The following CCDC178 variants were observed in gnomAD, a reference collection of about 807,000 sequenced individuals.
The protein encoded by CCDC178 is coiled-coil domain containing 178.
In CCDC178, 126 loss-of-function variants were observed where a neutral mutation model predicts 117.4. The observed-to-expected ratio is 1.07, with a 90% CI of 0.93 to 1.24. The LOEUF (loss-of-function observed/expected upper bound fraction) is 1.24. Ranked by LOEUF, CCDC178 falls within the 50% of genes most tolerant of loss-of-function variation. CCDC178 has a pLI of 0.00. For synonymous variants in CCDC178, 283 were observed against 313.4 expected, an observed-to-expected ratio of 0.90 and a Z score of 1.02; for missense variants, 1,030 against 986.9, an observed-to-expected ratio of 1.04 and a Z score of -0.59.
intron 21 of CCDC178, among the ~76,000 whole-genome samples, chr18:33,044,639 T>C (rs567327437): frequency 4.6e-5 from 7 of 152,126 alleles, no homozygotes; most frequent in African/African-American, 1.2e-4. Context: ...GAACTAAAAA[T>C]AGAGCTACCA....
chr18:33,082,876 T>C (rs935601558), intron 21 of CCDC178, among the ~76,000 whole-genome samples: 8 of 152,058 alleles, frequency 5.3e-5, no homozygotes, highest in African/African-American at 1.9e-4. Flanking sequence ...ATAATCTTTC[T>C]TAATACAAGG....
intron 9 of CCDC178, among the ~76,000 whole-genome samples, chr18:33,342,061 G>C (rs1429061026): frequency 6.6e-6 from 1 of 152,182 alleles, no homozygotes; most frequent in African/African-American, 2.4e-5. Flanking sequence ...TCTAGAACCA[G>C]TGAAACTTCT....
At chr18:33,322,139 T>C (rs144609095) in intron 11 of CCDC178, among the ~76,000 whole-genome samples, 1 of 151,842 alleles carries the variant, frequency 6.6e-6, no homozygotes, top group Non-Finnish European at 1.5e-5. Flanking sequence ...CAAAAACTGA[T>C]AAAAATAATT....
chr18:33,046,017 A>C (rs9958634), intron 21 of CCDC178, among the ~76,000 whole-genome samples: 1 of 152,144 alleles, frequency 6.6e-6, no homozygotes, highest in Non-Finnish European at 1.5e-5. Flanking sequence ...GGAGTGAGCC[A>C]AGATCGTGCC....
intron 15 of CCDC178, among the ~76,000 whole-genome samples, chr18:33,238,581 G>A (rs1438177601): frequency 6.6e-6 from 1 of 152,084 alleles, no homozygotes; most frequent in Non-Finnish European, 1.5e-5. Context: ...CTGAAGACAA[G>A]TCTTTTGAAA....
intron 20 of CCDC178, among the ~76,000 whole-genome samples, chr18:33,175,042 ATTT>A (rs561300705): frequency 7.9e-6 from 1 of 126,934 alleles, no homozygotes; most frequent in African/African-American, 3.3e-5. Flanking sequence ...TTATTTTTTT[ATTT>A]TTTTTGGTAT....
At chr18:33,263,352 G>A (rs546709424) in intron 14 of CCDC178, among the ~76,000 whole-genome samples, 103 of 152,084 alleles carry the variant, frequency 6.8e-4, no homozygotes, top group Admixed American at 1.1e-3. Context: ...ATAATCCACT[G>A]CCATAATATT....
intron 21 of CCDC178, among the ~76,000 whole-genome samples, chr18:33,077,920 A>G (rs1352615770): frequency 6.6e-6 from 1 of 152,174 alleles, no homozygotes; most frequent in Non-Finnish European, 1.5e-5. Context: ...CTCCTCCCCA[A>G]CTCATTCTAT....
intron 2 of CCDC178, among the ~76,000 whole-genome samples, chr18:33,420,342 T>A (rs2064006911): frequency 1.3e-5 from 2 of 152,168 alleles, no homozygotes; most frequent in South Asian, 4.1e-4. Context: ...TAAAAATAAT[T>A]GTGGATTTGC....
intron 21 of CCDC178, among the ~76,000 whole-genome samples, chr18:33,087,684 T>G (rs1354984044): frequency 2.6e-5 from 4 of 151,696 alleles, no homozygotes; most frequent in Non-Finnish European, 5.9e-5. Context: ...ACAGGGAAAA[T>G]TATTATTTTA....
chr18:33,413,870 C>T (rs1018368844), intron 2 of CCDC178, among the ~76,000 whole-genome samples: 1 of 152,114 alleles, frequency 6.6e-6, no homozygotes, highest in Non-Finnish European at 1.5e-5. Context: ...TTTCAAGAAA[C>T]AGAATGAAAC....
intron 21 of CCDC178, among the ~76,000 whole-genome samples, chr18:32,991,063 G>A (rs1432145721): frequency 6.6e-6 from 1 of 151,446 alleles, no homozygotes; most frequent in African/African-American, 2.4e-5. Flanking sequence ...CTATATGCCA[G>A]GCATGGTGCA....
At chr18:33,226,074 T>A (rs1248553846) in intron 16 of CCDC178, among the ~76,000 whole-genome samples, 2 of 152,114 alleles carry the variant, frequency 1.3e-5, no homozygotes, top group Non-Finnish European at 2.9e-5. Context: ...GGCAGGAGAA[T>A]CACTTGAACC....
At chr18:33,425,529 T>A (rs2064109523) in intron 2 of CCDC178, among the ~76,000 whole-genome samples, 1 of 152,222 alleles carries the variant, frequency 6.6e-6, no homozygotes, top group African/African-American at 2.4e-5. Flanking sequence ...TTTTATAATA[T>A]AAAGCTTCAG....
At chr18:33,114,196 C>T (rs1427045330) in intron 20 of CCDC178, among the ~76,000 whole-genome samples, 1 of 151,946 alleles carries the variant, frequency 6.6e-6, no homozygotes, top group Admixed American at 6.6e-5. Flanking sequence ...TGTAAACCTG[C>T]ATGAGGAAAG....
At chr18:33,284,944 C>T (rs2060079466) in intron 12 of CCDC178, among the ~76,000 whole-genome samples, 1 of 151,738 alleles carries the variant, frequency 6.6e-6, no homozygotes, top group Non-Finnish European at 1.5e-5. Context: ...GACACACACA[C>T]ACACACATTA....
chr18:33,043,768 T>A (rs192804808), intron 21 of CCDC178, among the ~76,000 whole-genome samples: 2 of 152,086 alleles, frequency 1.3e-5, no homozygotes, highest in Admixed American at 1.3e-4. Context: ...ATAACACCAA[T>A]GCTCAGATTT....
chr18:33,316,272 G>A (rs7234027), intron 11 of CCDC178, among the ~76,000 whole-genome samples: 11,131 of 152,302 alleles, frequency 0.073, 490 homozygotes, highest in Non-Finnish European at 0.093. Context: ...GTGCTTGCGG[G>A]ATAGCGCGAG....
chr18:32,995,180 G>A (rs2055476765), intron 21 of CCDC178, among the ~76,000 whole-genome samples: 1 of 152,068 alleles, frequency 6.6e-6, no homozygotes. Context: ...GCTTATCAAT[G>A]GGAGGAGGAA....
Sources: allele counts gnomAD v4.1 joint callset (sites outside exome capture counted in the v4.1 genomes callset), GRCh38; gene constraint gnomAD v4.1.1; transcripts MANE v1.5; gene names NCBI Gene and HGNC (gene_info 2026-07-23, HGNC 2026-07-21).